The following DIP2B variants were observed in gnomAD, a reference collection of about 807,000 sequenced individuals.
The protein encoded by DIP2B is DIP2 acetate--CoA ligase B (putative).
In DIP2B, 76 loss-of-function variants were observed where a neutral mutation model predicts 198.0. The ratio of observed to expected loss-of-function variants is 0.38; its 90% confidence interval spans 0.32 to 0.46. The LOEUF (loss-of-function observed/expected upper bound fraction) is 0.46, where lower values mean the gene tolerates loss of function less well. Ranked by LOEUF, DIP2B falls within the 20% of genes least tolerant of loss-of-function variation. The pLI is 0.99. For synonymous variants in DIP2B, 701 were observed against 739.1 expected, an observed-to-expected ratio of 0.95 and a Z score of 0.84; for missense variants, 1,559 against 1,978.4, an observed-to-expected ratio of 0.79 and a Z score of 4.02.
At chr12:50,543,375 C>T (rs1319199890) in intron 1 of DIP2B, among the ~76,000 whole-genome samples, 3 of 151,616 alleles carry the variant, frequency 2.0e-5, no homozygotes, top group Admixed American at 6.6e-5. Flanking sequence ...CCGCAACTTC[C>T]GCTCCCCAGG....
At chr12:50,735,709 C>G (rs1940127080) in intron 34 of DIP2B, among the ~76,000 whole-genome samples, 1 of 152,182 alleles carries the variant, frequency 6.6e-6, no homozygotes, top group African/African-American at 2.4e-5. Flanking sequence ...AGGTGATCAC[C>G]TGCCTCGGCC....
At chr12:50,517,394 A>G (rs908983664) in intron 1 of DIP2B, among the ~76,000 whole-genome samples, 1 of 152,036 alleles carries the variant, frequency 6.6e-6, no homozygotes, top group Non-Finnish European at 1.5e-5. Flanking sequence ...CTAATGGATC[A>G]CTGAGTCTTG....
intron 1 of DIP2B, among the ~76,000 whole-genome samples, chr12:50,625,204 C>T (rs1053938063): frequency 6.6e-5 from 10 of 152,176 alleles, no homozygotes; most frequent in Admixed American, 6.5e-5. Context: ...TCTCCCTTAA[C>T]GTCCTCTTGT....
intron 1 of DIP2B, among the ~76,000 whole-genome samples, chr12:50,602,130 T>A (rs1389330531): frequency 1.3e-5 from 2 of 152,200 alleles, no homozygotes; most frequent in South Asian, 4.1e-4. Flanking sequence ...CTGAAGTAAT[T>A]CCCACCTCTT....
At chr12:50,595,465 C>G (rs1334932844) in intron 1 of DIP2B, among the ~76,000 whole-genome samples, 1 of 152,122 alleles carries the variant, frequency 6.6e-6, no homozygotes, top group Non-Finnish European at 1.5e-5. Context: ...ACCACCACAC[C>G]TGGGCTTTTT....
intron 1 of DIP2B, among the ~76,000 whole-genome samples, chr12:50,621,797 C>T (rs907238737): frequency 3.3e-5 from 5 of 152,162 alleles, no homozygotes; most frequent in Admixed American, 2.0e-4. Flanking sequence ...ATACTGTAGG[C>T]CTAGCATTGT....
At chr12:50,742,421 A>AAAAAAAAAAAAG in intron 37 of DIP2B, among the ~76,000 whole-genome samples, 1 of 79,454 alleles carries the variant, frequency 1.3e-5, no homozygotes, top group Non-Finnish European at 3.5e-5. Context: ...AAAAAAAAAA[A>AAAAAAAAAAAAG]ACCACCTCTG....
chr12:50,575,766 A>ATT (rs940669147), intron 1 of DIP2B, among the ~76,000 whole-genome samples: 3 of 146,696 alleles, frequency 2.0e-5, no homozygotes, highest in African/African-American at 5.0e-5. Context: ...GGCAGCCAAT[A>ATT]TTTTTTTTTG....
At chr12:50,631,536 G>A (rs560978248) in intron 2 of DIP2B, among the ~76,000 whole-genome samples, 4 of 151,960 alleles carry the variant, frequency 2.6e-5, no homozygotes, top group East Asian at 3.9e-4. Context: ...TGATTCAAGC[G>A]ATTCTTGTGC....
In DIP2B at chr12:50,505,255, G is replaced by A. The variant is rs958301881; in HGVS notation, c.100+15G>A. 24 of 1,487,170 alleles carry A rather than the reference G, an allele frequency of 1.6e-5. No individual in the cohort carries two copies. The highest frequency in any genetic ancestry group is 2.0e-5 in the Non-Finnish European group (23 of 1,126,336). 92.1% of individuals were successfully genotyped at this position (1,487,170 alleles called of 1,614,324 possible). On this transcript the variant is annotated intron_variant, in intron 1 of 37. Coordinates refer to ENST00000301180, the MANE Select transcript of DIP2B (RefSeq NM_173602.3). ...GCTCTCGGAGGGTAGGAGCCGGGCC[G>A]GGGAGAGGGCGCCCGGGGCCCTGCG...
intron 1 of DIP2B, among the ~76,000 whole-genome samples, chr12:50,588,855 G>C (rs1446604357): frequency 1.3e-5 from 2 of 152,148 alleles, no homozygotes; most frequent in East Asian, 3.9e-4. Context: ...TTTAAAATCA[G>C]TTGATTGAAT....
At chr12:50,701,144 C>G (rs1434176292) in intron 19 of DIP2B, among the ~76,000 whole-genome samples, 2 of 152,192 alleles carry the variant, frequency 1.3e-5, no homozygotes, top group Non-Finnish European at 1.5e-5. Flanking sequence ...TACCAAACTG[C>G]TAGGTCCATA....
rs748658617 is a variant in DIP2B at position 50,691,203 on chromosome 12, C to T, written c.1654+52C>T. 8.0e-6 allele frequency: 12 copies of T among 1,499,222 alleles called. No individual in the cohort carries two copies. The South Asian group carries it at 1.4e-4, about 17-fold the overall frequency. 92.9% of individuals were successfully genotyped at this position (1,499,222 alleles called of 1,614,324 possible). A position where few individuals can be genotyped will look rare whatever the true frequency, so the allele number is the denominator to read the frequency against. ...CATTGTTACCTTCAGAGATGTGTGA[C>T]TGTGAGCACAATGCTCAGTGATTGG... On this transcript the variant is annotated intron_variant, in intron 13 of 37. Coordinates refer to ENST00000301180, the MANE Select transcript of DIP2B (RefSeq NM_173602.3).
chr12:50,703,912 C>T (rs1469060234), intron 19 of DIP2B, among the ~76,000 whole-genome samples: 2 of 147,910 alleles, frequency 1.4e-5, no homozygotes, highest in African/African-American at 5.0e-5. Context: ...TTTATATATA[C>T]ATATTTTTTA....
intron 22 of DIP2B, among the ~76,000 whole-genome samples, chr12:50,710,622 G>T (rs865938320): frequency 6.6e-6 from 1 of 151,930 alleles, no homozygotes; most frequent in South Asian, 2.1e-4. Flanking sequence ...ACAGATTTTC[G>T]CCATGTTGGC....
chr12:50,719,135 C>T, intron 25 of DIP2B, 100 bp downstream of exon 25: 1 of 1,303,282 alleles, frequency 7.7e-7, no homozygotes, highest in South Asian at 1.4e-5. Flanking sequence ...CTGTTGCCAT[C>T]TCTGAAGAAG....
chr12:50,728,453 T>G, intron 29 of DIP2B, 95 bp from the exon 30 acceptor site: 1 of 1,421,556 alleles, frequency 7.0e-7, no homozygotes, highest in East Asian at 2.4e-5. Context: ...TTTTGAGGAG[T>G]TTAGGGAATT....
rs1268639451 is a variant in DIP2B at position 50,746,254 on chromosome 12, AAG to A, written c.*1416_*1417del. Reference sequence around the variant, plus strand: ...AACAGAAATATTTTTAAAAATGAAAAAGTACTCAAAAGTGAGAAGAGTTAACT... The same window carrying A: ...AACAGAAATATTTTTAAAAATGAAAATACTCAAAAGTGAGAAGAGTTAACT... On this transcript the variant is annotated 3_prime_UTR_variant, in exon 38 of 38. Transcript: ENST00000301180. 2.0e-5 allele frequency: 3 copies of A among 152,188 alleles called. No individual in the cohort carries two copies. The highest frequency in any genetic ancestry group is 2.9e-5 in the Non-Finnish European group (2 of 68,034). The allele number at this position is 152,188 out of a possible 1,614,324, so 9.4% of individuals were successfully genotyped here.
At position 50,671,304 on chromosome 12, in the gene DIP2B, G is replaced by A. The variant is rs748512365; in HGVS notation, c.546G>A (p.Ser182=). Residue 182 remains serine, a synonymous_variant, in exon 5 of 38, where the codon TCG becomes TCA. Transcript: ENST00000301180. ...ESWINRSIQG[S]STSSSASSTL... is the part of the protein sequence containing the mutation. ...GGATCAACCGTTCAATTCAGGGATC[G>A]TCCACTTCTTCATCCGCATCTTCTA... 50 of 1,614,002 alleles carry A rather than the reference G, an allele frequency of 3.1e-5. No individual in the cohort carries two copies. Among genetic ancestry groups the A allele is most frequent in the East Asian group, 6.7e-5 (3 of 44,902 alleles).
Sources: gnomAD v4.1 joint callset for allele counts (sites outside exome capture counted in the v4.1 genomes callset) on GRCh38, gnomAD v4.1.1 for gene constraint, MANE v1.5 for transcripts, NCBI Gene and HGNC (gene_info 2026-07-23, HGNC 2026-07-21) for gene names.